Variants in PMP22 observed in about 807,000 individuals in gnomAD.
PMP22 encodes the protein peripheral myelin protein 22.
In PMP22, 2 loss-of-function variants were observed where a neutral mutation model predicts 18.9. That is an observed-to-expected ratio of 0.11 (90% CI 0.04 to 0.33). The LOEUF is 0.33. Ranked by LOEUF, PMP22 falls within the 10% of genes least tolerant of loss-of-function variation. The pLI, the probability that PMP22 is intolerant of heterozygous loss-of-function variation, is 1.00. For synonymous variants in PMP22, 95 were observed against 89.2 expected, an observed-to-expected ratio of 1.07 and a Z score of -0.37; for missense variants, 169 against 202.2, an observed-to-expected ratio of 0.84 and a Z score of 1.00.
At chr17:15,262,890 CG>C (rs1237486751) in intron 1 of PMP22, among the ~76,000 whole-genome samples, 1 of 152,192 alleles carries the variant, frequency 6.6e-6, no homozygotes, top group Non-Finnish European at 1.5e-5. Flanking sequence ...TGTAGCTCAG[CG>C]GATGCCCAGG....
intron 3 of PMP22, among the ~76,000 whole-genome samples, chr17:15,243,084 C>T (rs1907492572): frequency 6.6e-6 from 1 of 151,758 alleles, no homozygotes; most frequent in East Asian, 1.9e-4. Flanking sequence ...TAGAAAAATC[C>T]TTAAAAAGAG....
chr17:15,241,789 G>A (rs1365706895), intron 3 of PMP22, among the ~76,000 whole-genome samples: 1 of 152,080 alleles, frequency 6.6e-6, no homozygotes, highest in Non-Finnish European at 1.5e-5. Flanking sequence ...GAGGATCAAG[G>A]ACATTTTTAT....
At position 15,264,297 on chromosome 17, in the gene PMP22, C is replaced by A. The variant is rs542563783; in HGVS notation, c.-35+857G>T. Among the ~76,000 whole-genome samples, 30 of 151,952 alleles carry A rather than the reference C, an allele frequency of 2.0e-4. 1 individual carries two copies. Among genetic ancestry groups the A allele is most frequent in the Middle Eastern group, 6.8e-3 (2 of 292 alleles). ...AGATTTATAAATGAAAGTGCATATGCAAGTAGAAAAAAAAGTCTAAAGACA... is the reference window on the plus strand; with the variant it reads ...AGATTTATAAATGAAAGTGCATATGAAAGTAGAAAAAAAAGTCTAAAGACA... On this transcript the variant is annotated intron_variant, in intron 1 of 4. Transcript: ENST00000312280.
intron 4 of PMP22, among the ~76,000 whole-genome samples, chr17:15,234,104 T>A (rs972362883): frequency 2.0e-5 from 3 of 152,008 alleles, no homozygotes; most frequent in African/African-American, 7.3e-5. Flanking sequence ...CTGGGGTTAG[T>A]GAGTCAAGAC....
At chr17:15,253,779 T>C (rs1908575589) in intron 3 of PMP22, among the ~76,000 whole-genome samples, 1 of 152,186 alleles carries the variant, frequency 6.6e-6, no homozygotes, top group African/African-American at 2.4e-5. Flanking sequence ...GATGTTCATA[T>C]GGCTGGCTCC....
chr17:15,245,721 C>G (rs575588711), intron 3 of PMP22, among the ~76,000 whole-genome samples: 2 of 152,082 alleles, frequency 1.3e-5, no homozygotes, highest in African/African-American at 4.8e-5. Flanking sequence ...AAAATGGGAG[C>G]CACAGGCCGG....
At chr17:15,235,239 T>C (rs929145944) in intron 4 of PMP22, 13 of 717,620 alleles carry the variant, frequency 1.8e-5, no homozygotes, top group South Asian at 1.8e-4. Context: ...CCTCTATTCT[T>C]TCTGTTCTTA....
At chr17:15,256,871 G>A (rs1020995636) in intron 3 of PMP22, among the ~76,000 whole-genome samples, 22 of 152,286 alleles carry the variant, frequency 1.4e-4, no homozygotes, top group African/African-American at 2.6e-4. Context: ...GGCTGAAGTC[G>A]TAGCAAGTGC....
chr17:15,246,290 T>A (rs1907809273), intron 3 of PMP22, among the ~76,000 whole-genome samples: 1 of 152,206 alleles, frequency 6.6e-6, no homozygotes, highest in Non-Finnish European at 1.5e-5. Flanking sequence ...TATCACAAAA[T>A]CAGCCATAGC....
Position 15,230,909 on chromosome 17 carries a change from TG to T in PMP22, c.*7del, listed in dbSNP as rs758935587. ...CGCTCAGAGCCTCAGACAGACCGTC[TG>T]GGCGCCTCATTCGCGTTTCCGCAAG... On this transcript the variant is annotated 3_prime_UTR_variant, in exon 5 of 5. Transcript: ENST00000312280. 5 of 1,613,798 alleles carry T rather than the reference TG, an allele frequency of 3.1e-6. No homozygotes were observed. In the African/African-American group the frequency reaches 6.7e-5, roughly 22 times the overall value.
At position 15,230,549 on chromosome 17, in the gene PMP22, G is replaced by T. The variant is rs1193150715; in HGVS notation, c.*368C>A. The T allele has an allele frequency of 4.0e-6, 1 of 247,040 alleles. No individual in the cohort carries two copies. The highest frequency in any genetic ancestry group is 1.0e-4 in the East Asian group (1 of 9,678). 15.3% of individuals were successfully genotyped at this position (247,040 alleles called of 1,614,324 possible). On this transcript the variant is annotated 3_prime_UTR_variant, in exon 5 of 5. Transcript: ENST00000312280. The stretch of plus-strand genomic sequence containing the variant: ...GATGAAAGGGAAGGGGCGAGATGGA[G>T]TTATCTTATTTCTGGGTAAAACAAA...
chr17:15,259,277 C>G, intron 2 of PMP22, 84 bp from the exon 3 acceptor site: 4 of 1,088,960 alleles, frequency 3.7e-6, no homozygotes, highest in Non-Finnish European at 5.6e-6. Flanking sequence ...CCAGGGATGG[C>G]GAAAAGCACC....
chr17:15,232,087 G>T (rs943125810), intron 4 of PMP22, among the ~76,000 whole-genome samples: 1 of 151,974 alleles, frequency 6.6e-6, no homozygotes, highest in Non-Finnish European at 1.5e-5. Context: ...CCAGTATGCC[G>T]TGTGGGATTC....
intron 3 of PMP22, among the ~76,000 whole-genome samples, chr17:15,242,472 A>T (rs1907425426): frequency 6.6e-6 from 1 of 152,162 alleles, no homozygotes; most frequent in South Asian, 2.1e-4. Context: ...CATAGAGGAA[A>T]GATTTGGTTT....
chr17:15,234,529 G>T (rs1185399716), intron 4 of PMP22, among the ~76,000 whole-genome samples: 1 of 152,130 alleles, frequency 6.6e-6, no homozygotes, highest in East Asian at 1.9e-4. Flanking sequence ...GGGCAACAAG[G>T]GAGGGCAGGA....
At chr17:15,231,144 C>T (rs1054523220) in intron 4 of PMP22, 64 bp from the exon 5 acceptor site, 2 of 1,506,446 alleles carry the variant, frequency 1.3e-6, no homozygotes, top group Admixed American at 3.4e-5. Flanking sequence ...CCCTCTCCGC[C>T]ACCCCGGATG....
intron 4 of PMP22, among the ~76,000 whole-genome samples, chr17:15,236,144 C>T (rs2150671601): frequency 6.6e-6 from 1 of 152,022 alleles, no homozygotes; most frequent in East Asian, 1.9e-4. Context: ...AGGAAGGAGC[C>T]TTTTGATATG....
At chr17:15,248,720 T>C (rs546867744) in intron 3 of PMP22, among the ~76,000 whole-genome samples, 2 of 151,950 alleles carry the variant, frequency 1.3e-5, no homozygotes, top group Non-Finnish European at 2.9e-5. Flanking sequence ...AGGAGGGGAG[T>C]GCATTGTACG....
intron 3 of PMP22, among the ~76,000 whole-genome samples, chr17:15,253,653 C>T (rs1908564151): frequency 6.6e-6 from 1 of 152,028 alleles, no homozygotes; most frequent in African/African-American, 2.4e-5. Context: ...ATTCTACTTA[C>T]CCCTCACTCT....
Sources: gnomAD v4.1 joint callset for allele counts (sites outside exome capture counted in the v4.1 genomes callset) on GRCh38, gnomAD v4.1.1 for gene constraint, MANE v1.5 for transcripts, NCBI Gene and HGNC (gene_info 2026-07-23, HGNC 2026-07-21) for gene names.